Variants in SORCS3 observed in about 807,000 individuals in gnomAD.
SORCS3 encodes sortilin related VPS10 domain containing receptor 3, also known as VPS10 domain-containing receptor SorCS3.
In SORCS3, 57 loss-of-function variants were observed where a neutral mutation model predicts 146.3. The observed-to-expected ratio is 0.39, with a 90% CI of 0.31 to 0.49. The LOEUF (loss-of-function observed/expected upper bound fraction) is 0.49. Among genes scored for constraint, SORCS3 ranks in the 20% least tolerant of loss-of-function variants. The pLI is 0.92. For missense variants in SORCS3, 1,341 were observed against 1,575.5 expected (o/e 0.85, Z 2.52); for synonymous variants, 653 against 618.5 (o/e 1.06, Z -0.83).
intron 2 of SORCS3, among the ~76,000 whole-genome samples, chr10:104,900,076 A>G (rs949837176): frequency 6.6e-6 from 1 of 151,972 alleles, no homozygotes; most frequent in Non-Finnish European, 1.5e-5. Flanking sequence ...CCTTTCTCCC[A>G]TTAGGTTTTG....
At chr10:104,687,333 C>T (rs1386564041) in intron 1 of SORCS3, among the ~76,000 whole-genome samples, 1 of 152,176 alleles carries the variant, frequency 6.6e-6, no homozygotes, top group Non-Finnish European at 1.5e-5. Context: ...AGCTCCTTAC[C>T]TCTTGCAGCT....
At chr10:105,120,593 T>C (rs2055925476) in intron 7 of SORCS3, among the ~76,000 whole-genome samples, 1 of 152,150 alleles carries the variant, frequency 6.6e-6, no homozygotes, top group Admixed American at 6.5e-5. Flanking sequence ...GCATGCCCCT[T>C]ATAAATTACT....
At chr10:105,183,045 G>A (rs2056452549) in intron 14 of SORCS3, among the ~76,000 whole-genome samples, 2 of 152,188 alleles carry the variant, frequency 1.3e-5, no homozygotes, top group South Asian at 4.1e-4. Flanking sequence ...TATCAAAGAT[G>A]TGATTGAAGA....
rs769726021 is a variant in SORCS3, at chr10:104,641,871, C to T, written c.544C>T (p.Arg182Trp). The T allele has an allele frequency of 1.1e-5, 18 of 1,584,410 alleles. No homozygotes were observed. The highest frequency in any genetic ancestry group is 1.0e-4 in the Admixed American group (6 of 57,444). ...RAGGSAAEDL[R>W]LPSTSFALTG... Reference sequence around the variant, plus strand: ...TGGGGGGTCGGCGGCTGAAGACCTCCGGCTGCCCAGCACCTCCTTCGCGCT... The same window carrying T: ...TGGGGGGTCGGCGGCTGAAGACCTCTGGCTGCCCAGCACCTCCTTCGCGCT... Residue 182 changes from arginine to tryptophan, a missense_variant, in exon 1 of 27, where the codon CGG (arginine) becomes TGG (tryptophan). Arg to Trp is a moderately radical substitution (Grantham distance 101). Coordinates refer to ENST00000369701, the MANE Select transcript of SORCS3 (RefSeq NM_014978.3). The surrounding 1 kb of genome is among the most constrained non-coding windows in gnomAD (Gnocchi z 6.4).
chr10:105,044,693 T>C (rs990808798), intron 5 of SORCS3, among the ~76,000 whole-genome samples: 1 of 151,956 alleles, frequency 6.6e-6, no homozygotes, highest in Non-Finnish European at 1.5e-5. Context: ...ACTGTTTTTT[T>C]TTTTGTTTTG....
At chr10:105,204,035 G>A (rs1413783642) in intron 16 of SORCS3, among the ~76,000 whole-genome samples, 2 of 152,114 alleles carry the variant, frequency 1.3e-5, no homozygotes, top group Non-Finnish European at 2.9e-5. Flanking sequence ...CCCTTCTTTA[G>A]GGAGTGCTGT....
intron 1 of SORCS3, among the ~76,000 whole-genome samples, chr10:104,802,132 C>T (rs1379062327): frequency 6.6e-6 from 1 of 152,106 alleles, no homozygotes; most frequent in East Asian, 1.9e-4. Flanking sequence ...TTATTTTATA[C>T]ACCTCAACAT....
intron 2 of SORCS3, among the ~76,000 whole-genome samples, chr10:104,906,412 T>C (rs2018905554): frequency 1.3e-5 from 2 of 152,212 alleles, no homozygotes; most frequent in South Asian, 4.1e-4. Context: ...CTGGGGGTTA[T>C]GTAGCTATAA....
At chr10:104,717,296 A>G (rs1490897623) in intron 1 of SORCS3, among the ~76,000 whole-genome samples, 4 of 148,010 alleles carry the variant, frequency 2.7e-5, no homozygotes, top group Non-Finnish European at 6.0e-5. Flanking sequence ...TAAGAAAAAA[A>G]ATGTAAAAAA....
chr10:104,759,690 C>T (rs2017097755), intron 1 of SORCS3, among the ~76,000 whole-genome samples: 1 of 152,276 alleles, frequency 6.6e-6, no homozygotes, highest in Middle Eastern at 3.4e-3. Context: ...TTTTTCTACA[C>T]CCAGGCTTGG....
intron 2 of SORCS3, among the ~76,000 whole-genome samples, chr10:104,875,796 A>G (rs541837762): frequency 3.0e-4 from 46 of 152,270 alleles, no homozygotes; most frequent in South Asian, 8.3e-4. Flanking sequence ...TGCCTGTCTG[A>G]TTGAGTAAGT....
intron 7 of SORCS3, among the ~76,000 whole-genome samples, chr10:105,129,193 G>A (rs149147266): frequency 6.6e-6 from 1 of 152,144 alleles, no homozygotes; most frequent in African/African-American, 2.4e-5. Context: ...CCATAAAAAG[G>A]AATTAGGCCA....
chr10:104,905,102 G>A (rs527914898), intron 2 of SORCS3, among the ~76,000 whole-genome samples: 4 of 152,074 alleles, frequency 2.6e-5, no homozygotes. Flanking sequence ...CCTACTACTC[G>A]GGTCTGTTGT....
intron 1 of SORCS3, among the ~76,000 whole-genome samples, chr10:104,681,759 C>T (rs2015979321): frequency 6.6e-6 from 1 of 152,128 alleles, no homozygotes; most frequent in Non-Finnish European, 1.5e-5. Context: ...AGCTCCTGCC[C>T]CAGGGCCTTT....
chr10:105,116,252 T>G (rs1340041133), intron 7 of SORCS3, among the ~76,000 whole-genome samples: 2 of 152,186 alleles, frequency 1.3e-5, no homozygotes, highest in African/African-American at 2.4e-5. Flanking sequence ...TGCGCAGAGG[T>G]GACCTGCTAT....
chr10:104,723,220 C>G (rs950198328), intron 1 of SORCS3, among the ~76,000 whole-genome samples: 27 of 152,182 alleles, frequency 1.8e-4, no homozygotes, highest in Middle Eastern at 3.2e-3. Flanking sequence ...TTATTTCTGC[C>G]TTCATTTCAT....
intron 3 of SORCS3, among the ~76,000 whole-genome samples, chr10:104,921,407 T>G (rs917262146): frequency 2.6e-5 from 4 of 151,988 alleles, no homozygotes; most frequent in Non-Finnish European, 4.4e-5. Context: ...TTGGAGACAG[T>G]GCATTGGAAA....
At chr10:104,691,636 T>C (rs532459605) in intron 1 of SORCS3, among the ~76,000 whole-genome samples, 3 of 152,346 alleles carry the variant, frequency 2.0e-5, no homozygotes, top group African/African-American at 7.2e-5. Context: ...AAAATAATAA[T>C]TGGCTGCCCT....
rs552633266 is a variant in SORCS3 at position 105,207,762 on chromosome 10, G to A, written c.2262-3375G>A. ...TAATGAAATTCTTTTACTCTTTGGG[G>A]CAAAGCAACATGCCTGGTGCACCTT... On this transcript the variant is annotated intron_variant, in intron 16 of 26. Transcript: ENST00000369701. 5.3e-5 allele frequency among the ~76,000 whole-genome samples: 8 copies of A among 152,262 alleles called. No individual in the cohort carries two copies. The East Asian group carries it at 1.5e-3, about 29-fold the overall frequency.
Sources: gnomAD v4.1 joint callset for allele counts (sites outside exome capture counted in the v4.1 genomes callset) on GRCh38, gnomAD v4.1.1 for gene constraint, Gnocchi (gnomAD v3.1) non-coding constraint, MANE v1.5 for transcripts, NCBI Gene and HGNC (gene_info 2026-07-23, HGNC 2026-07-21) for gene names.